The following SLC11A2 variants were observed in gnomAD, a reference collection of about 807,000 sequenced individuals.
SLC11A2 encodes natural resistance-associated macrophage protein 2.
A neutral mutation model predicts 68.0 loss-of-function variants in SLC11A2; 38 were observed. The ratio of observed to expected loss-of-function variants is 0.56; its 90% CI spans 0.43 to 0.73. The LOEUF (loss-of-function observed/expected upper bound fraction) is 0.73, where lower values mean the gene tolerates loss of function less well. SLC11A2 is among the 30% of genes least tolerant of loss of function. SLC11A2 has a pLI of 0.00. For missense variants in SLC11A2, 517 were observed against 690.5 expected (o/e 0.75, Z 2.82); for synonymous variants, 242 against 250.6 (o/e 0.97, Z 0.32).
At chr12:51,006,623 T>G (rs1178303150) in intron 3 of SLC11A2, among the ~76,000 whole-genome samples, 1 of 152,210 alleles carries the variant, frequency 6.6e-6, no homozygotes, top group Non-Finnish European at 1.5e-5. Context: ...CATTTACATC[T>G]ATTTTCTCTG....
downstream of SLC11A2, among the ~76,000 whole-genome samples, chr12:50,982,765 G>A (rs935935884): frequency 1.3e-5 from 2 of 151,668 alleles, no homozygotes; most frequent in African/African-American, 4.8e-5. Flanking sequence ...CCAACATGGC[G>A]AAACCCCTCG....
chr12:51,003,339 A>G (rs900888255), intron 5 of SLC11A2, among the ~76,000 whole-genome samples: 4 of 152,086 alleles, frequency 2.6e-5, no homozygotes, highest in Admixed American at 1.3e-4. Flanking sequence ...GGAGTTCAAG[A>G]CCAGCCTGAC....
At chr12:50,980,472 G>A (rs756989852), downstream of SLC11A2, 1 of 152,198 alleles carries the variant, frequency 6.6e-6, no homozygotes, top group African/African-American at 2.4e-5. Context: ...TTCCCACCTT[G>A]GCGACAGGGC....
At chr12:50,963,139 G>A in the SLC11A2 span, among the ~76,000 whole-genome samples, 3 of 151,930 alleles carry the variant, frequency 2.0e-5, no homozygotes, top group Admixed American at 1.3e-4. Context: ...GGAGGCCGAG[G>A]CAGGGGTATC....
rs1389443752 is a variant in SLC11A2 at position 50,987,521 on chromosome 12, A to C, written c.*804T>G. ...ACCACCCTCCTGGAGAAAGAAAGTT[A>C]AGGTTTTACAACCACATGTGCTCAA... On this transcript the variant is annotated 3_prime_UTR_variant, in exon 16 of 16. Coordinates refer to ENST00000262052, the MANE Select transcript of SLC11A2 (RefSeq NM_000617.3). 7.8e-7 allele frequency: 1 copy of C among 1,287,224 alleles called. No individual in the cohort carries two copies. Among genetic ancestry groups the C allele is most frequent in the South Asian group, 1.2e-5 (1 of 80,936 alleles). 79.7% of individuals were successfully genotyped at this position (1,287,224 alleles called of 1,614,324 possible).
Position 51,010,232 on chromosome 12 carries a change from T to C in SLC11A2, c.34+463A>G, listed in dbSNP as rs1283247961. Among the ~76,000 whole-genome samples, 4 of 151,492 alleles carry C rather than the reference T, an allele frequency of 2.6e-5. No homozygotes were observed. The Middle Eastern group carries it at 0.014, about 519-fold the overall frequency. ...ACAAACAAAAAAAAAACATTCTGTT[T>C]TCAGGATGGGCGCGGTAGCTCATGC... On this transcript the variant is annotated intron_variant, in intron 2 of 15. Coordinates refer to ENST00000262052, the MANE Select transcript of SLC11A2 (RefSeq NM_000617.3).
intron 5 of SLC11A2, among the ~76,000 whole-genome samples, chr12:51,001,921 G>A (rs1382759290): frequency 6.6e-6 from 1 of 152,150 alleles, no homozygotes; most frequent in Non-Finnish European, 1.5e-5. Context: ...GGACTCAAGG[G>A]AAGATGGTTG....
downstream of SLC11A2, chr12:50,980,643 T>G (rs1416160873): frequency 2.6e-5 from 4 of 152,354 alleles, no homozygotes; most frequent in Middle Eastern, 3.4e-3. Flanking sequence ...ACTCTAGTAC[T>G]AATCTCATGC....
intron 1 of SLC11A2, among the ~76,000 whole-genome samples, chr12:51,024,053 C>T (rs1385661911): frequency 6.6e-6 from 1 of 152,178 alleles, no homozygotes; most frequent in African/African-American, 2.4e-5. Flanking sequence ...TAAACTTATA[C>T]CAACTGCACT....
At chr12:51,005,018 C>A in intron 4 of SLC11A2, 111 bp from the exon 5 acceptor site, 3 of 1,287,728 alleles carry the variant, frequency 2.3e-6, no homozygotes, top group South Asian at 1.3e-5. Flanking sequence ...CAGAAAAGAG[C>A]CCAGGTCAAG....
chr12:51,017,507 G>A (rs1943745366), intron 1 of SLC11A2, among the ~76,000 whole-genome samples: 1 of 152,160 alleles, frequency 6.6e-6, no homozygotes, highest in Admixed American at 6.5e-5. Flanking sequence ...GAAGGAGTAG[G>A]AGAGCCCAAA....
chr12:50,981,154 T>C (rs1479635700), downstream of SLC11A2: 1 of 152,232 alleles, frequency 6.6e-6, no homozygotes. Flanking sequence ...GTTAATATGA[T>C]GTGTTAATAT....
downstream of SLC11A2, chr12:50,981,372 C>T (rs1940015029): frequency 6.4e-6 from 1 of 156,250 alleles, no homozygotes; most frequent in Non-Finnish European, 1.4e-5. Context: ...AAAGTTCTAT[C>T]AGTTTCATAT....
chr12:50,980,621 AT>A (rs1939970900), downstream of SLC11A2: 1 of 152,286 alleles, frequency 6.6e-6, no homozygotes, highest in South Asian at 2.1e-4. Context: ...GTGGACTAAT[AT>A]TCCAAATCTC....
the SLC11A2 span, among the ~76,000 whole-genome samples, chr12:50,969,762 A>G: frequency 6.6e-6 from 1 of 152,024 alleles, no homozygotes; most frequent in African/African-American, 2.4e-5. Flanking sequence ...TGGGTTTCAC[A>G]CTCAGAAGAG....
chr12:51,005,567 C>G, intron 3 of SLC11A2, 131 bp from the exon 4 acceptor site: 2 of 1,515,880 alleles, frequency 1.3e-6, no homozygotes, highest in South Asian at 1.2e-5. Flanking sequence ...TCAGATATTG[C>G]ATGTGTCCAA....
At chr12:50,981,532 T>C (rs1429901086), downstream of SLC11A2, 3 of 537,412 alleles carry the variant, frequency 5.6e-6, no homozygotes, top group Non-Finnish European at 1.0e-5. Flanking sequence ...TGTATGACTG[T>C]TATGAGGTGG....
chr12:50,970,862 T>C, the SLC11A2 span, among the ~76,000 whole-genome samples: 1 of 148,850 alleles, frequency 6.7e-6, no homozygotes, highest in Admixed American at 6.7e-5. Context: ...TACAGAAGAC[T>C]TCTCTTTTCT....
downstream of SLC11A2, among the ~76,000 whole-genome samples, chr12:50,978,202 T>C (rs1350874335): frequency 2.7e-5 from 4 of 150,338 alleles, no homozygotes; most frequent in African/African-American, 7.3e-5. Flanking sequence ...CGTATGTTTA[T>C]TGCGGCACTA....
Sources: allele counts gnomAD v4.1 joint callset (sites outside exome capture counted in the v4.1 genomes callset), GRCh38; gene constraint gnomAD v4.1.1; transcripts MANE v1.5; gene names NCBI Gene and HGNC (gene_info 2026-07-23, HGNC 2026-07-21).